CCPG1: variants seen among roughly 807,000 people sequenced by gnomAD.
The protein encoded by CCPG1 is cell cycle progression protein 1.
A neutral mutation model predicts 81.3 loss-of-function variants in CCPG1; 46 were observed. The observed-to-expected ratio is 0.57, with a 90% CI of 0.45 to 0.72. The LOEUF is 0.72. CCPG1 is among the 30% of genes least tolerant of loss of function. The pLI is 0.00. For synonymous variants in CCPG1, 330 were observed against 305.2 expected, an observed-to-expected ratio of 1.08 and a Z score of -0.85; for missense variants, 902 against 937.6, an observed-to-expected ratio of 0.96 and a Z score of 0.50.
intron 8 of CCPG1, 77 bp downstream of exon 8, chr15:55,359,462 T>C: frequency 6.6e-7 from 1 of 1,505,648 alleles, no homozygotes; most frequent in Non-Finnish European, 8.8e-7. Context: ...TACAAGAAAC[T>C]CATCAAATCA....
chr15:55,376,301 G>A (rs755687245), intron 5 of CCPG1, among the ~76,000 whole-genome samples: 1 of 152,296 alleles, frequency 6.6e-6, no homozygotes, highest in South Asian at 2.1e-4. Context: ...AAACTGAGCT[G>A]AAGCATAGCA....
At chr15:55,400,796 T>C (rs932023096) in intron 1 of CCPG1, among the ~76,000 whole-genome samples, 25 of 152,202 alleles carry the variant, frequency 1.6e-4, no homozygotes, top group African/African-American at 5.8e-4. Context: ...TTACTGGCTA[T>C]CCTCATCTCC....
intron 3 of CCPG1, among the ~76,000 whole-genome samples, chr15:55,380,359 C>T (rs1443698241): frequency 6.6e-6 from 1 of 150,858 alleles, no homozygotes; most frequent in Non-Finnish European, 1.5e-5. Flanking sequence ...GCAGTGGCGC[C>T]GTCTCGGCTC....
intron 8 of CCPG1, chr15:55,357,024 T>G: frequency 1.0e-6 from 1 of 985,576 alleles, no homozygotes; most frequent in Non-Finnish European, 1.2e-6. Flanking sequence ...CACTCCCCAC[T>G]CCTGTCCTTA....
At chr15:55,359,047 A>T in intron 8 of CCPG1, 1 of 984,338 alleles carries the variant, frequency 1.0e-6, no homozygotes, top group Non-Finnish European at 1.2e-6. Context: ...TAATTATGTG[A>T]CTAAGTATCA....
chr15:55,398,267 A>C (rs182960778), intron 1 of CCPG1: 8 of 152,204 alleles, frequency 5.3e-5, no homozygotes, highest in Admixed American at 2.6e-4. Flanking sequence ...ACATTTTACT[A>C]TGAAAAAGGT....
intron 1 of CCPG1, among the ~76,000 whole-genome samples, chr15:55,403,769 C>T (rs942926369): frequency 2.0e-5 from 3 of 152,198 alleles, no homozygotes. Flanking sequence ...GCAACTTCCT[C>T]ATCTTCACCA....
At chr15:55,359,174 A>G (rs753152869) in intron 8 of CCPG1, 84 of 978,314 alleles carry the variant, frequency 8.6e-5, no homozygotes, top group Non-Finnish European at 9.7e-5. Flanking sequence ...AGCTTCCAAA[A>G]GTGAATAAAT....
In CCPG1 at chr15:55,371,966, C is replaced by A. The variant is rs777099680; in HGVS notation, c.533G>T (p.Arg178Leu). Residue 178 changes from arginine to leucine, a missense_variant, in exon 6 of 9, where the codon CGC becomes CTC. Around this residue, in one of 3 missense-constraint regions of CCPG1, gnomAD observed 746 missense variants for 728.6 expected, o/e 1.02. Transcript: ENST00000442196. The stretch of plus-strand genomic sequence containing the variant: ...AGAAACGGTCTTCTTCCTAGCACGG[C>A]GTCGTCTAAAGGCAGGACTGGGCTG... ...SNQPSPAFRRRRARKKTVSAS... is the reference protein window; with the variant it reads ...SNQPSPAFRRLRARKKTVSAS... The A allele has an allele frequency of 6.2e-7, 1 of 1,614,116 alleles. No homozygotes were observed. The highest frequency in any genetic ancestry group is 8.5e-7 in the Non-Finnish European group (1 of 1,179,980).
At chr15:55,385,523 C>G (rs2056781723) in intron 3 of CCPG1, 77 bp downstream of exon 3, 2 of 711,918 alleles carry the variant, frequency 2.8e-6, no homozygotes, top group East Asian at 5.9e-5. Flanking sequence ...AGGCCACCCA[C>G]CTGGAAAGAA....
chr15:55,404,521 G>T (rs1361010383), intron 1 of CCPG1, among the ~76,000 whole-genome samples: 1 of 152,138 alleles, frequency 6.6e-6, no homozygotes, highest in Non-Finnish European at 1.5e-5. Context: ...TATAAAACAT[G>T]GTTCTGAACG....
intron 1 of CCPG1, among the ~76,000 whole-genome samples, chr15:55,407,013 G>A (rs932163944): frequency 6.9e-6 from 1 of 144,682 alleles, no homozygotes; most frequent in Non-Finnish European, 1.5e-5. Context: ...AGGAGTCCAA[G>A]ACCAGCCTGG....
At position 55,387,904 on chromosome 15, in the gene CCPG1, T is replaced by C. The variant is rs796705213; in HGVS notation, c.60+1461A>G. Among the ~76,000 whole-genome samples, 21 of 147,142 alleles carry C rather than the reference T, an allele frequency of 1.4e-4. 1 individual carries two copies. Among genetic ancestry groups the C allele is most frequent in the African/African-American group, 4.5e-4 (18 of 40,174 alleles). ...CGGTGGCTCACGCCTGTAATCCCAG[T>C]ACTTTGGGAGGCCGAGGCGGGCGGA... On this transcript the variant is annotated intron_variant, in intron 2 of 8. Coordinates refer to ENST00000442196, the MANE Select transcript of CCPG1 (RefSeq NM_001204450.2).
chr15:55,380,758 T>TAATC (rs1333443384), intron 3 of CCPG1, among the ~76,000 whole-genome samples: 2 of 152,014 alleles, frequency 1.3e-5, no homozygotes, highest in African/African-American at 4.8e-5. Context: ...CTCATGCCTG[T>TAATC]AATCCCAGCA....
intron 3 of CCPG1, among the ~76,000 whole-genome samples, chr15:55,383,279 G>T (rs1195649215): frequency 6.6e-6 from 1 of 152,170 alleles, no homozygotes; most frequent in African/African-American, 2.4e-5. Context: ...TGAGCAGCAG[G>T]TCTCAACACT....
intron 8 of CCPG1, chr15:55,357,893 TG>T (rs2056114679): frequency 6.6e-6 from 1 of 152,208 alleles, no homozygotes; most frequent in South Asian, 2.1e-4. Context: ...ATTATATGCC[TG>T]TTCTGAGTAA....
At chr15:55,406,071 G>A (rs2057212920) in intron 1 of CCPG1, among the ~76,000 whole-genome samples, 1 of 152,172 alleles carries the variant, frequency 6.6e-6, no homozygotes, top group African/African-American at 2.4e-5. Flanking sequence ...TGCCACGTTG[G>A]CCAGGCTGGC....
At chr15:55,405,136 G>A (rs1327533645) in intron 1 of CCPG1, among the ~76,000 whole-genome samples, 5 of 151,694 alleles carry the variant, frequency 3.3e-5, no homozygotes, top group African/African-American at 1.2e-4. Context: ...TGAGGCAGGC[G>A]GACCACCTGA....
At chr15:55,393,663 T>C (rs906227001) in intron 1 of CCPG1, among the ~76,000 whole-genome samples, 2 of 152,162 alleles carry the variant, frequency 1.3e-5, no homozygotes, top group African/African-American at 4.8e-5. Flanking sequence ...AAGGTCTCAC[T>C]CTGTCACTCA....
Sources: gnomAD v4.1 joint callset for allele counts (sites outside exome capture counted in the v4.1 genomes callset) on GRCh38, gnomAD v4.1.1 for gene constraint, gnomAD v4.1.1 regional missense constraint, MANE v1.5 for transcripts, NCBI Gene and HGNC (gene_info 2026-07-23, HGNC 2026-07-21) for gene names.